The following CACNA2D1 variants were observed in gnomAD, a reference collection of about 807,000 sequenced individuals.
The protein encoded by CACNA2D1 is voltage-dependent calcium channel subunit alpha-2/delta-1.
CACNA2D1 carries 53 observed loss-of-function variants against 171.5 expected under a neutral mutation model. The observed-to-expected ratio is 0.31, with a 90% confidence interval of 0.25 to 0.39. CACNA2D1 has a LOEUF of 0.39. Ranked by LOEUF, CACNA2D1 falls within the 10% of genes least tolerant of loss-of-function variation. CACNA2D1 has a pLI of 1.00. For synonymous variants in CACNA2D1, 442 were observed against 443.1 expected (o/e 1.00, Z 0.03); for missense variants, 903 against 1,299.8 (o/e 0.69, Z 4.69).
Position 82,050,753 on chromosome 7 carries a change from AATC to A in CACNA2D1, c.879+9672_879+9674del, listed in dbSNP as rs1188681128. 2.0e-5 allele frequency: 13 copies of A among 652,878 alleles called. No individual in the cohort carries two copies. The Admixed American group carries it at 2.7e-4, about 13-fold the overall frequency. The allele number at this position is 652,878 out of a possible 1,614,324, so 40.4% of individuals were successfully genotyped here. ...TTGGAAGATGACACTAAATAACAAT[AATC>A]ATCATCATAATACATGATTACAATA... On this transcript the variant is annotated intron_variant, in intron 10 of 38. Coordinates refer to ENST00000356860, the MANE Select transcript of CACNA2D1 (RefSeq NM_000722.4).
intron 1 of CACNA2D1, among the ~76,000 whole-genome samples, chr7:82,383,075 G>A (rs1563464532): frequency 6.6e-6 from 1 of 152,192 alleles, no homozygotes; most frequent in East Asian, 1.9e-4. Flanking sequence ...TAACCTAAAA[G>A]TCAGCAGAAA....
At chr7:82,160,801 T>C (rs1412051927) in intron 4 of CACNA2D1, among the ~76,000 whole-genome samples, 1 of 152,096 alleles carries the variant, frequency 6.6e-6, no homozygotes, top group East Asian at 1.9e-4. Flanking sequence ...AATTGTTTCT[T>C]AATTCCAAGA....
intron 1 of CACNA2D1, among the ~76,000 whole-genome samples, chr7:82,351,392 A>T (rs372567875): frequency 4.6e-5 from 7 of 152,066 alleles, no homozygotes; most frequent in East Asian, 3.9e-4. Flanking sequence ...TGATGAGCTG[A>T]TAAGAGAAAG....
At chr7:82,216,918 T>C (rs1220064503) in intron 3 of CACNA2D1, among the ~76,000 whole-genome samples, 1 of 150,688 alleles carries the variant, frequency 6.6e-6, no homozygotes, top group African/African-American at 2.4e-5. Context: ...AGAAAGCTGG[T>C]TAATCCTCCA....
intron 7 of CACNA2D1, among the ~76,000 whole-genome samples, chr7:82,083,798 C>A (rs994031708): frequency 6.6e-6 from 1 of 152,098 alleles, no homozygotes; most frequent in Non-Finnish European, 1.5e-5. Context: ...TACTTTCATT[C>A]ATTGCTATAA....
At chr7:81,988,507 T>C (rs746678752) in intron 21 of CACNA2D1, among the ~76,000 whole-genome samples, 176 of 152,280 alleles carry the variant, frequency 1.2e-3, no homozygotes, top group Non-Finnish European at 1.5e-3. Context: ...GATAATAACA[T>C]AGGCTCCCAT....
intron 3 of CACNA2D1, among the ~76,000 whole-genome samples, chr7:82,285,109 C>T (rs576950431): frequency 1.3e-5 from 2 of 152,170 alleles, no homozygotes; most frequent in South Asian, 2.1e-4. Context: ...AATCACTGCA[C>T]ATAGACATGT....
At chr7:82,184,169 C>CTTTTTT (rs72155870) in intron 3 of CACNA2D1, among the ~76,000 whole-genome samples, 8 of 127,394 alleles carry the variant, frequency 6.3e-5, no homozygotes, top group Admixed American at 1.6e-4. Context: ...TCGGTTTCCT[C>CTTTTTT]TTTTTTTTTT....
chr7:82,443,107 C>T (rs995598566), intron 1 of CACNA2D1, among the ~76,000 whole-genome samples: 1 of 152,140 alleles, frequency 6.6e-6, no homozygotes, highest in Non-Finnish European at 1.5e-5. Context: ...CGCCGCGAGT[C>T]GTCGGCGGGC....
rs1185083098 is a variant in CACNA2D1, at chr7:82,026,083, T to C, written c.1143+6714A>G. Among the ~76,000 whole-genome samples the C allele has an allele frequency of 2.0e-5, 3 of 151,318 alleles. No homozygotes were observed. In the East Asian group the frequency reaches 5.8e-4, roughly 29 times the overall value. On this transcript the variant is annotated intron_variant, in intron 12 of 38. Transcript: ENST00000356860. ...TTTTTTACTTAAAGCCTGTTTTGTC[T>C]GATATAAATGTAGCTATCCATACTT...
At chr7:82,337,601 T>A (rs1818146801) in intron 2 of CACNA2D1, among the ~76,000 whole-genome samples, 1 of 152,224 alleles carries the variant, frequency 6.6e-6, no homozygotes. Context: ...TAAATAATTA[T>A]CTGCTTTGCC....
At chr7:82,333,076 GA>G (rs571041870) in intron 3 of CACNA2D1, among the ~76,000 whole-genome samples, 214 of 152,066 alleles carry the variant, frequency 1.4e-3, no homozygotes, top group African/African-American at 4.6e-3. Context: ...AGAAGTTTAT[GA>G]AAAAAATTTT....
chr7:82,420,700 T>C (rs1291430570), intron 1 of CACNA2D1, among the ~76,000 whole-genome samples: 1 of 152,184 alleles, frequency 6.6e-6, no homozygotes, highest in Non-Finnish European at 1.5e-5. Flanking sequence ...TTGAAGTCCT[T>C]GCCGCATTAT....
intron 3 of CACNA2D1, among the ~76,000 whole-genome samples, 170 bp from the exon 4 acceptor site, chr7:82,170,779 A>G (rs1795938425): frequency 6.6e-6 from 1 of 151,988 alleles, no homozygotes; most frequent in African/African-American, 2.4e-5. Context: ...ACTAAAGTTG[A>G]TGTTTGTATA....
rs1422290392 is a variant in CACNA2D1 at position 82,192,454 on chromosome 7, TTGTGTTTGTGTG to T, written c.295-21857_295-21846del. Among the ~76,000 whole-genome samples, 10 of 94,710 alleles carry T rather than the reference TTGTGTTTGTGTG, an allele frequency of 1.1e-4. No individual in the cohort carries two copies. The East Asian group carries it at 1.8e-3, about 17-fold the overall frequency. 62.1% of individuals were successfully genotyped at this position (94,710 alleles called of 152,430 possible). A position where few individuals can be genotyped will look rare whatever the true frequency, so the allele number is the denominator to read the frequency against. ...TGTCTGTGTGTGTGTGTATGTGTGT[TTGTGTTTGTGTG>T]TGTGTGTGTGTGTGTGTGTGTGTGT... On this transcript the variant is annotated intron_variant, in intron 3 of 38. Transcript: ENST00000356860.
intron 2 of CACNA2D1, among the ~76,000 whole-genome samples, chr7:82,344,502 A>G (rs956426942): frequency 2.6e-5 from 4 of 152,220 alleles, no homozygotes; most frequent in African/African-American, 9.6e-5. Context: ...TTGAGAAAAT[A>G]TTGAAAGTCA....
chr7:81,951,474 G>A (rs947100840), intron 38 of CACNA2D1, among the ~76,000 whole-genome samples: 1 of 152,022 alleles, frequency 6.6e-6, no homozygotes, highest in African/African-American at 2.4e-5. Flanking sequence ...TGCACCGAAT[G>A]TATGTAGTAC....
chr7:81,970,817 GAAGT>G (rs1470024821), intron 26 of CACNA2D1, 80 bp from the exon 27 acceptor site: 15 of 828,542 alleles, frequency 1.8e-5, no homozygotes, highest in Non-Finnish European at 2.4e-5. Context: ...GATACAAAGA[GAAGT>G]AAGTTTAGGA....
chr7:82,059,050 T>C (rs978746061), intron 10 of CACNA2D1, among the ~76,000 whole-genome samples: 6 of 152,136 alleles, frequency 3.9e-5, no homozygotes, highest in African/African-American at 1.4e-4. Flanking sequence ...CAAAGTCTCC[T>C]GCCTTCTTCT....
Sources: gnomAD v4.1 joint callset for allele counts (sites outside exome capture counted in the v4.1 genomes callset) on GRCh38, gnomAD v4.1.1 for gene constraint, MANE v1.5 for transcripts, NCBI Gene and HGNC (gene_info 2026-07-23, HGNC 2026-07-21) for gene names.